The following FAM107B variants were observed in gnomAD, a reference collection of about 807,000 sequenced individuals.
The protein encoded by FAM107B is family with sequence similarity 107 member B.
Under a neutral mutation model 31.5 loss-of-function variants are expected in FAM107B, and 21 were observed. The ratio of observed to expected loss-of-function variants is 0.67; its 90% CI spans 0.47 to 0.96. The LOEUF is 0.96. Ranked by LOEUF, FAM107B falls within the 40% of genes least tolerant of loss-of-function variation. The pLI, the probability that FAM107B is intolerant of heterozygous loss-of-function variation, is 0.00. For missense variants in FAM107B, 452 were observed against 377.1 expected, an observed-to-expected ratio of 1.20 and a Z score of -1.64; for synonymous variants, 157 against 141.5, an observed-to-expected ratio of 1.11 and a Z score of -0.78.
At chr10:14,629,703 T>TG in intron 2 of FAM107B, among the ~76,000 whole-genome samples, 1 of 149,420 alleles carries the variant, frequency 6.7e-6, no homozygotes, top group East Asian at 2.0e-4. Flanking sequence ...TTAGTAGAGG[T>TG]GGGGTTTCAC....
intron 2 of FAM107B, among the ~76,000 whole-genome samples, chr10:14,558,931 G>A (rs1462196093): frequency 6.6e-6 from 1 of 152,088 alleles, no homozygotes; most frequent in Non-Finnish European, 1.5e-5. Context: ...CTGCTGAGTT[G>A]TGTGGGTCCA....
intron 1 of FAM107B, among the ~76,000 whole-genome samples, chr10:14,729,015 T>A (rs1856101943): frequency 6.6e-6 from 1 of 152,142 alleles, no homozygotes; most frequent in African/African-American, 2.4e-5. Flanking sequence ...TTTTTTTAAA[T>A]GGGGTCTTGC....
chr10:14,604,576 C>G (rs1852535923), intron 2 of FAM107B, among the ~76,000 whole-genome samples: 1 of 151,688 alleles, frequency 6.6e-6, no homozygotes, highest in Non-Finnish European at 1.5e-5. Flanking sequence ...GGAGGGGCAC[C>G]AGCCGGGGCT....
At chr10:14,602,999 C>CGCA (rs1564596178) in intron 2 of FAM107B, 4 of 146,962 alleles carry the variant, frequency 2.7e-5, no homozygotes, top group South Asian at 2.2e-4. Flanking sequence ...ACCCTCTTTC[C>CGCA]CACACACACA....
intron 2 of FAM107B, among the ~76,000 whole-genome samples, chr10:14,581,391 C>T (rs1042819566): frequency 2.6e-5 from 4 of 152,220 alleles, no homozygotes; most frequent in African/African-American, 4.8e-5. Flanking sequence ...GAACCCGGGT[C>T]AGGCTCAGCC....
At chr10:14,534,573 G>A (rs1588502239) in intron 2 of FAM107B, among the ~76,000 whole-genome samples, 1 of 151,976 alleles carries the variant, frequency 6.6e-6, no homozygotes, top group African/African-American at 2.4e-5. Flanking sequence ...CTCACACCCC[G>A]CCTTCCCTCC....
At position 14,751,157 on chromosome 10, in the gene FAM107B, C is replaced by T. The variant is rs571013202; in HGVS notation, c.411+23096G>A. Among the ~76,000 whole-genome samples, 33 of 152,332 alleles carry T rather than the reference C, an allele frequency of 2.2e-4. No individual in the cohort carries two copies. In the South Asian group the frequency reaches 2.5e-3, roughly 11 times the overall value. On this transcript the variant is annotated intron_variant, in intron 1 of 4. Transcript: ENST00000181796. ...CTGCACATCTGCTGCCTCCCTTCCTCATTAGGGTCCCAGGGGAGCGGCGGA... is the reference window on the plus strand; with the variant it reads ...CTGCACATCTGCTGCCTCCCTTCCTTATTAGGGTCCCAGGGGAGCGGCGGA...
Position 14,534,371 on chromosome 10 carries a change from C to T in FAM107B, c.470-3856G>A, listed in dbSNP as rs147710436. ...TTCCAGCTGCTTCTCAGTGACACCC[C>T]GCCCTGGAGCTGTGACTAACACATG... On this transcript the variant is annotated intron_variant, in intron 2 of 4. Coordinates refer to ENST00000181796, the MANE Select transcript of FAM107B (RefSeq NM_031453.4). Among the ~76,000 whole-genome samples, 457 of 152,186 alleles carry T rather than the reference C, an allele frequency of 3.0e-3. 1 individual carries two copies. Among genetic ancestry groups the T allele is most frequent in the African/African-American group, 0.01 (434 of 41,490 alleles).
At chr10:14,536,932 T>A (rs1847674879) in intron 2 of FAM107B, among the ~76,000 whole-genome samples, 1 of 152,124 alleles carries the variant, frequency 6.6e-6, no homozygotes, top group Non-Finnish European at 1.5e-5. Flanking sequence ...TCTCATCAGT[T>A]TTTTCATCCC....
intron 2 of FAM107B, among the ~76,000 whole-genome samples, chr10:14,656,696 A>T (rs1854066111): frequency 6.6e-6 from 1 of 152,230 alleles, no homozygotes; most frequent in African/African-American, 2.4e-5. Flanking sequence ...TCTCTAAGAA[A>T]TTTTTACAAA....
intron 2 of FAM107B, among the ~76,000 whole-genome samples, chr10:14,644,347 A>C (rs1020805444): frequency 1.3e-5 from 2 of 152,186 alleles, no homozygotes; most frequent in Admixed American, 6.5e-5. Flanking sequence ...ATCTATTTCT[A>C]TCTATTGTAT....
chr10:14,535,892 T>C (rs1847557583), intron 2 of FAM107B, among the ~76,000 whole-genome samples: 1 of 152,364 alleles, frequency 6.6e-6, no homozygotes, highest in South Asian at 2.1e-4. Context: ...AATCCCATGC[T>C]TACAGATGGA....
chr10:14,759,308 T>C (rs901575403), intron 1 of FAM107B, among the ~76,000 whole-genome samples: 4 of 152,212 alleles, frequency 2.6e-5, no homozygotes, highest in South Asian at 2.1e-4. Context: ...AGACTGACTT[T>C]TATTTTTTTT....
At chr10:14,717,585 G>A (rs1855808334) in intron 1 of FAM107B, among the ~76,000 whole-genome samples, 1 of 152,176 alleles carries the variant, frequency 6.6e-6, no homozygotes, top group Non-Finnish European at 1.5e-5. Context: ...CTGGGCCCAG[G>A]AAAAGAGAGA....
chr10:14,711,234 G>A (rs1282496357), intron 1 of FAM107B, among the ~76,000 whole-genome samples: 1 of 152,102 alleles, frequency 6.6e-6, no homozygotes, highest in Non-Finnish European at 1.5e-5. Context: ...AATAAACAGT[G>A]TAGTCTAAGT....
chr10:14,527,260 C>G (rs1846370023), intron 3 of FAM107B, among the ~76,000 whole-genome samples: 1 of 151,374 alleles, frequency 6.6e-6, no homozygotes, highest in Non-Finnish European at 1.5e-5. Context: ...GAACCTGACA[C>G]AAGGTTTTAA....
chr10:14,604,421 G>C (rs1411301172), intron 2 of FAM107B: 11 of 195,688 alleles, frequency 5.6e-5, no homozygotes, highest in Admixed American at 2.0e-4. Context: ...GGCCCCGCGC[G>C]TCCGAATTAA....
intron 2 of FAM107B, among the ~76,000 whole-genome samples, chr10:14,627,631 G>C (rs1853198838): frequency 6.6e-6 from 1 of 152,166 alleles, no homozygotes; most frequent in Admixed American, 6.5e-5. Context: ...TTAAAAATTA[G>C]CCGTGGTTGA....
chr10:14,720,915 T>A (rs1421245538), intron 1 of FAM107B, among the ~76,000 whole-genome samples: 1 of 152,212 alleles, frequency 6.6e-6, no homozygotes, highest in Non-Finnish European at 1.5e-5. Flanking sequence ...TACGTAGGTA[T>A]ACGCGTGCCA....
Sources: gnomAD v4.1 joint callset for allele counts (sites outside exome capture counted in the v4.1 genomes callset) on GRCh38, gnomAD v4.1.1 for gene constraint, MANE v1.5 for transcripts, NCBI Gene and HGNC (gene_info 2026-07-23, HGNC 2026-07-21) for gene names.